The following ROBO2 variants were observed in gnomAD, a reference collection of about 807,000 sequenced individuals.
ROBO2 encodes the protein roundabout guidance receptor 2.
In ROBO2, 53 loss-of-function variants were observed where a neutral mutation model predicts 160.8. That is an observed-to-expected ratio of 0.33 (90% confidence interval 0.26 to 0.41). The LOEUF (loss-of-function observed/expected upper bound fraction) is 0.41, where lower values mean the gene tolerates loss of function less well. ROBO2 is among the 10% of genes least tolerant of loss of function. The probability of loss-of-function intolerance (pLI) is 1.00; values close to 1 mark genes in which losing one functional copy is unlikely to be tolerated. For synonymous variants in ROBO2, 664 were observed against 611.7 expected (o/e 1.09, Z -1.26); for missense variants, 1,577 against 1,722.4 (o/e 0.92, Z 1.49).
chr3:76,988,869 C>A (rs1256390570), intron 2 of ROBO2, among the ~76,000 whole-genome samples: 4 of 152,072 alleles, frequency 2.6e-5, no homozygotes, highest in African/African-American at 4.8e-5. Context: ...CTCAGCCCTG[C>A]CCTGATGCTG....
intron 2 of ROBO2, among the ~76,000 whole-genome samples, chr3:76,187,209 A>G (rs1346800417): frequency 6.6e-6 from 1 of 152,078 alleles, no homozygotes. Flanking sequence ...TCACCTGAGT[A>G]TTTCACATAT....
chr3:77,339,128 G>A (rs553033057), intron 2 of ROBO2, among the ~76,000 whole-genome samples: 33 of 151,648 alleles, frequency 2.2e-4, no homozygotes, highest in Admixed American at 6.6e-4. Flanking sequence ...CAGGAGATGC[G>A]GACATTAAGA....
intron 2 of ROBO2, among the ~76,000 whole-genome samples, chr3:76,852,015 G>A (rs2069454374): frequency 6.6e-6 from 1 of 151,980 alleles, no homozygotes; most frequent in African/African-American, 2.4e-5. Flanking sequence ...AAAAAAGACA[G>A]TCACCCATGG....
chr3:76,440,309 G>C (rs890119622), intron 2 of ROBO2, among the ~76,000 whole-genome samples: 1 of 151,786 alleles, frequency 6.6e-6, no homozygotes. Flanking sequence ...GTGCAGGTTT[G>C]TTACATATGT....
intron 2 of ROBO2, among the ~76,000 whole-genome samples, chr3:76,019,439 T>C (rs1419142042): frequency 6.6e-6 from 1 of 151,570 alleles, no homozygotes; most frequent in Non-Finnish European, 1.5e-5. Flanking sequence ...CCTCCCCACA[T>C]GCTTTGGTTT....
intron 2 of ROBO2, among the ~76,000 whole-genome samples, chr3:77,260,968 C>T (rs1412083761): frequency 6.6e-6 from 1 of 152,114 alleles, no homozygotes; most frequent in South Asian, 2.1e-4. Context: ...GAAGCCTCCT[C>T]CTGGTAGCTG....
At chr3:77,565,704 G>T (rs554902998) in intron 12 of ROBO2, among the ~76,000 whole-genome samples, 1 of 152,178 alleles carries the variant, frequency 6.6e-6, no homozygotes, top group African/African-American at 2.4e-5. Flanking sequence ...AGTGAATTTC[G>T]TTAAATCAGA....
intron 2 of ROBO2, among the ~76,000 whole-genome samples, chr3:77,327,882 C>G (rs1457776557): frequency 6.6e-6 from 1 of 151,718 alleles, no homozygotes; most frequent in African/African-American, 2.4e-5. Flanking sequence ...GAAACCCCGT[C>G]TCTACTAAAA....
At chr3:77,090,163 C>G (rs1041174449) in intron 1 of ROBO2, among the ~76,000 whole-genome samples, 4 of 151,698 alleles carry the variant, frequency 2.6e-5, no homozygotes, top group Admixed American at 6.6e-5. Flanking sequence ...TGACTATTGT[C>G]AATGGGATTA....
At chr3:76,584,068 T>C (rs2085874197) in intron 2 of ROBO2, among the ~76,000 whole-genome samples, 1 of 152,134 alleles carries the variant, frequency 6.6e-6, no homozygotes, top group South Asian at 2.1e-4. Flanking sequence ...TAAGCAGCCT[T>C]TTGATGCACC....
exon 26 of ROBO2, chr3:77,646,204 T>A: frequency 2.0e-6 from 1 of 489,466 alleles, no homozygotes; most frequent in Non-Finnish European, 3.6e-6. Flanking sequence ...GCCACACATA[T>A]CCCACAGATA....
intron 2 of ROBO2, among the ~76,000 whole-genome samples, chr3:76,639,140 G>GT (rs1179954267): frequency 1.3e-5 from 2 of 151,748 alleles, no homozygotes; most frequent in Non-Finnish European, 2.9e-5. Flanking sequence ...TAATATATAT[G>GT]TATCTATACA....
chr3:76,812,909 ATTTTTTT>A (rs71104626), intron 2 of ROBO2, among the ~76,000 whole-genome samples: 9 of 104,660 alleles, frequency 8.6e-5, no homozygotes, highest in African/African-American at 2.9e-4. Flanking sequence ...AGAAGTATAA[ATTTTTTT>A]TTTTTTTTTT....
intron 4 of ROBO2, among the ~76,000 whole-genome samples, chr3:77,481,690 A>C (rs1282190099): frequency 6.6e-6 from 1 of 152,198 alleles, no homozygotes; most frequent in Admixed American, 6.5e-5. Context: ...ATGTATGCAC[A>C]CATATAAATT....
At chr3:76,616,745 G>GT (rs1353614550) in intron 2 of ROBO2, among the ~76,000 whole-genome samples, 2 of 152,240 alleles carry the variant, frequency 1.3e-5, no homozygotes, top group Admixed American at 1.3e-4. Context: ...ATTTAGAGAG[G>GT]TTTTTTGTTT....
At chr3:77,354,125 C>A (rs903487215) in intron 2 of ROBO2, among the ~76,000 whole-genome samples, 1 of 152,128 alleles carries the variant, frequency 6.6e-6, no homozygotes, top group East Asian at 1.9e-4. Flanking sequence ...CTCTGCCTTG[C>A]CATTTGGACA....
chr3:76,400,175 T>C (rs569525879), intron 2 of ROBO2, among the ~76,000 whole-genome samples: 180 of 151,820 alleles, frequency 1.2e-3, no homozygotes, highest in African/African-American at 4.0e-3. Context: ...CATTCTGGAA[T>C]ACTTAAAATT....
Position 76,246,636 on chromosome 3 carries a change from T to C in ROBO2, c.109+309034T>C, listed in dbSNP as rs369836050. Among the ~76,000 whole-genome samples, 5 of 152,134 alleles carry C rather than the reference T, an allele frequency of 3.3e-5. No individual in the cohort carries two copies. In the East Asian group the frequency reaches 9.6e-4, roughly 29 times the overall value. ...TTCCCTAGAAGTTATAACAAACTTATTTTGTTACTGCTGTGCATAATTTTT... is the reference window on the plus strand; with the variant it reads ...TTCCCTAGAAGTTATAACAAACTTACTTTGTTACTGCTGTGCATAATTTTT... On this transcript the variant is annotated intron_variant, in intron 2 of 26. Transcript: ENST00000487694.
chr3:76,029,426 T>C (rs2066846188), intron 2 of ROBO2, among the ~76,000 whole-genome samples: 1 of 152,138 alleles, frequency 6.6e-6, no homozygotes, highest in South Asian at 2.1e-4. Flanking sequence ...GCAGGTTTGT[T>C]ACATATGTAT....
Sources: gnomAD v4.1 joint callset for allele counts (sites outside exome capture counted in the v4.1 genomes callset) on GRCh38, gnomAD v4.1.1 for gene constraint, MANE v1.5 for transcripts, NCBI Gene and HGNC (gene_info 2026-07-23, HGNC 2026-07-21) for gene names.